Variants in SHISA9 observed in about 807,000 individuals in gnomAD.
SHISA9 encodes the protein shisa family member 9.
In SHISA9, 13 loss-of-function variants were observed where a neutral mutation model predicts 38.0. The ratio of observed to expected loss-of-function variants is 0.34; its 90% CI spans 0.22 to 0.54. SHISA9 has a LOEUF of 0.54. SHISA9 is among the 20% of genes least tolerant of loss of function. SHISA9 has a pLI of 0.91. For missense variants in SHISA9, 538 were observed against 575.8 expected (o/e 0.93, Z 0.67); for synonymous variants, 275 against 242.0 (o/e 1.14, Z -1.27).
the SHISA9 span, among the ~76,000 whole-genome samples, chr16:13,303,921 A>C: frequency 6.6e-6 from 1 of 152,176 alleles, no homozygotes; most frequent in Admixed American, 6.5e-5. Context: ...TTCACAGACC[A>C]CAAGAATCAT....
chr16:13,318,941 C>A, the SHISA9 span, among the ~76,000 whole-genome samples: 1 of 152,212 alleles, frequency 6.6e-6, no homozygotes, highest in African/African-American at 2.4e-5. Flanking sequence ...TCCAAGTGTA[C>A]CTTCTCAGTC....
chr16:13,278,316 G>A, the SHISA9 span, among the ~76,000 whole-genome samples: 1 of 152,042 alleles, frequency 6.6e-6, no homozygotes, highest in Non-Finnish European at 1.5e-5. Flanking sequence ...GATTCAGTTA[G>A]CTAGTATTTT....
chr16:13,077,225 C>CTTG (rs2073592891), intron 2 of SHISA9, among the ~76,000 whole-genome samples: 1 of 148,186 alleles, frequency 6.7e-6, no homozygotes, highest in African/African-American at 2.6e-5. Context: ...CTATTTTTCA[C>CTTG]TTCTTCTTCT....
chr16:13,102,356 C>G (rs20501), intron 2 of SHISA9, among the ~76,000 whole-genome samples: 3,134 of 152,248 alleles, frequency 0.021, 52 homozygotes, highest in Admixed American at 0.047. Flanking sequence ...GGCTGCTATT[C>G]TGGTAGAATT....
intron 2 of SHISA9, among the ~76,000 whole-genome samples, chr16:13,041,147 A>T (rs2073127685): frequency 6.6e-6 from 1 of 152,206 alleles, no homozygotes; most frequent in African/African-American, 2.4e-5. Context: ...TCAGAGCTGG[A>T]TGTGTTGTGT....
At chr16:13,174,588 C>T (rs2050715668) in intron 2 of SHISA9, among the ~76,000 whole-genome samples, 1 of 152,214 alleles carries the variant, frequency 6.6e-6, no homozygotes. Context: ...ATCTCCAGGA[C>T]TGGACCCCTT....
intron 2 of SHISA9, among the ~76,000 whole-genome samples, chr16:13,118,271 A>G (rs1188363062): frequency 6.6e-6 from 1 of 151,394 alleles, no homozygotes; most frequent in Non-Finnish European, 1.5e-5. Flanking sequence ...GTTGTGATAG[A>G]GGGGCACACA....
At chr16:12,929,422 AATGTGGTACAG>A (rs1332507629) in intron 2 of SHISA9, among the ~76,000 whole-genome samples, 2 of 152,340 alleles carry the variant, frequency 1.3e-5, no homozygotes, top group East Asian at 3.9e-4. Flanking sequence ...GGATAAAGAA[AATGTGGTACAG>A]ATACACCATG....
intron 2 of SHISA9, among the ~76,000 whole-genome samples, chr16:13,147,940 G>C (rs2050461956): frequency 6.6e-6 from 1 of 152,200 alleles, no homozygotes; most frequent in Non-Finnish European, 1.5e-5. Context: ...TTTGTGCCCA[G>C]TAAAAGGGAT....
intron 2 of SHISA9, among the ~76,000 whole-genome samples, chr16:13,199,024 T>C (rs528654225): frequency 3.9e-5 from 6 of 152,250 alleles, no homozygotes; most frequent in Non-Finnish European, 7.3e-5. Flanking sequence ...TTCTGTTTAA[T>C]AATATAAAAG....
chr16:13,357,774 G>T, the SHISA9 span, among the ~76,000 whole-genome samples: 5 of 151,612 alleles, frequency 3.3e-5, no homozygotes. Flanking sequence ...GTAGGAGTGG[G>T]GGTCGCAAGG....
chr16:13,080,148 A>C (rs276607), intron 2 of SHISA9, among the ~76,000 whole-genome samples: 30,628 of 152,020 alleles, frequency 0.2, 5,719 homozygotes, highest in African/African-American at 0.49. Flanking sequence ...CCGAGGCAGG[A>C]GGATCACGAG....
At chr16:13,525,084 A>T in the SHISA9 span, among the ~76,000 whole-genome samples, 1 of 152,180 alleles carries the variant, frequency 6.6e-6, no homozygotes, top group Admixed American at 6.5e-5. Flanking sequence ...GGGTTGATAA[A>T]ACAGAGGTTT....
At chr16:13,332,977 C>T in the SHISA9 span, among the ~76,000 whole-genome samples, 1 of 152,168 alleles carries the variant, frequency 6.6e-6, no homozygotes, top group South Asian at 2.1e-4. Context: ...CTTTTGAACT[C>T]TGCTTTTGTC....
At chr16:13,153,471 C>T (rs1304966112) in intron 2 of SHISA9, among the ~76,000 whole-genome samples, 1 of 152,130 alleles carries the variant, frequency 6.6e-6, no homozygotes, top group South Asian at 2.1e-4. Context: ...AGACATGGAA[C>T]AGGTGTGGTG....
rs188178215 is a variant in SHISA9, at chr16:13,199,855, A to G, written c.692-3539A>G. Among the ~76,000 whole-genome samples the G allele has an allele frequency of 1.6e-3, 249 of 152,236 alleles. 2 individuals carry two copies. Among genetic ancestry groups the G allele is most frequent in the African/African-American group, 5.7e-3 (236 of 41,544 alleles). ...GGGGTCTGAATTACTGTATAGCACA[A>G]TGAGCCCTCGCTAGCTGGGCACATA... is the stretch of plus-strand genomic sequence containing the variant. On this transcript the variant is annotated intron_variant, in intron 2 of 4. Transcript: ENST00000558583.
intron 2 of SHISA9, among the ~76,000 whole-genome samples, chr16:13,071,349 T>C (rs1231513777): frequency 6.6e-6 from 1 of 152,212 alleles, no homozygotes; most frequent in Non-Finnish European, 1.5e-5. Context: ...GCAGGCTCTC[T>C]GATGAGGGCT....
chr16:13,215,407 A>G (rs1287223199), intron 4 of SHISA9, among the ~76,000 whole-genome samples: 3 of 152,152 alleles, frequency 2.0e-5, no homozygotes, highest in Non-Finnish European at 4.4e-5. Context: ...CTTCAGAGAG[A>G]CAGATTTTTG....
the SHISA9 span, among the ~76,000 whole-genome samples, chr16:13,409,352 G>C: frequency 6.6e-6 from 1 of 152,330 alleles, no homozygotes; most frequent in East Asian, 1.9e-4. Context: ...GGTACAGAAA[G>C]CTATCACACT....
Sources: gnomAD v4.1 joint callset for allele counts (sites outside exome capture counted in the v4.1 genomes callset) on GRCh38, gnomAD v4.1.1 for gene constraint, MANE v1.5 for transcripts, NCBI Gene and HGNC (gene_info 2026-07-23, HGNC 2026-07-21) for gene names.